Variants in CDH4 observed in about 807,000 individuals in gnomAD.
CDH4 encodes the protein cadherin-4.
In CDH4, 33 loss-of-function variants were observed where a neutral mutation model predicts 86.0. The observed-to-expected ratio is 0.38, with a 90% CI of 0.29 to 0.51. The LOEUF (loss-of-function observed/expected upper bound fraction) is 0.51. Ranked by LOEUF, CDH4 falls within the 20% of genes least tolerant of loss-of-function variation. CDH4 has a pLI of 0.86. For synonymous variants in CDH4, 555 were observed against 549.4 expected (o/e 1.01, Z -0.14); for missense variants, 1,114 against 1,307.4 (o/e 0.85, Z 2.28).
At chr20:61,599,139 C>T (rs1161902634) in intron 2 of CDH4, among the ~76,000 whole-genome samples, 3 of 152,216 alleles carry the variant, frequency 2.0e-5, no homozygotes, top group African/African-American at 7.2e-5. Context: ...GATCTCCCAC[C>T]ATGGTGCTGC....
intron 2 of CDH4, among the ~76,000 whole-genome samples, chr20:61,396,921 T>C (rs2145473993): frequency 6.6e-6 from 1 of 152,288 alleles, no homozygotes; most frequent in East Asian, 1.9e-4. Flanking sequence ...AAAAATACTG[T>C]TTTGTTTTTG....
chr20:61,511,318 T>G (rs1038451562), intron 2 of CDH4, among the ~76,000 whole-genome samples: 1 of 152,240 alleles, frequency 6.6e-6, no homozygotes, highest in Admixed American at 6.5e-5. Context: ...GGAAGTCGTC[T>G]TACGTTTTCT....
At position 61,915,375 on chromosome 20, in the gene CDH4, G is replaced by A. The variant is rs190035594; in HGVS notation, c.1374+4768G>A. On this transcript the variant is annotated intron_variant, in intron 9 of 15. Transcript: ENST00000614565. ...CATCCTGGCAAGGCCAGATGGTACC[G>A]TCTGACCAGCCTGAAACCTTCCTAG... is the stretch of plus-strand genomic sequence containing the variant. Among the ~76,000 whole-genome samples the A allele has an allele frequency of 3.3e-5, 5 of 152,330 alleles. No individual in the cohort carries two copies. The East Asian group carries it at 9.7e-4, about 29-fold the overall frequency.
intron 2 of CDH4, among the ~76,000 whole-genome samples, chr20:61,333,300 T>C (rs2123268101): frequency 6.6e-6 from 1 of 152,060 alleles, no homozygotes. Context: ...CACACACACC[T>C]GCATGGGGGA....
At chr20:61,391,382 T>G (rs2084984759) in intron 2 of CDH4, among the ~76,000 whole-genome samples, 1 of 152,132 alleles carries the variant, frequency 6.6e-6, no homozygotes, top group African/African-American at 2.4e-5. Flanking sequence ...AGCTGGTTTT[T>G]GTGGGTGACC....
At chr20:61,610,527 T>G (rs2145758496) in intron 2 of CDH4, among the ~76,000 whole-genome samples, 1 of 152,182 alleles carries the variant, frequency 6.6e-6, no homozygotes, top group African/African-American at 2.4e-5. Flanking sequence ...AGCAGTGGGG[T>G]TGCTGGGTCA....
chr20:61,308,965 G>T (rs1235786234), intron 2 of CDH4, among the ~76,000 whole-genome samples: 2 of 152,352 alleles, frequency 1.3e-5, no homozygotes, highest in East Asian at 3.9e-4. Context: ...CAGCAGAGGT[G>T]CTCTGAGGCC....
chr20:61,834,440 G>A (rs1746118098), intron 4 of CDH4, among the ~76,000 whole-genome samples: 1 of 152,200 alleles, frequency 6.6e-6, no homozygotes, highest in Admixed American at 6.5e-5. Flanking sequence ...CTTCCAGCCC[G>A]GCCCCCAAGG....
At chr20:61,660,969 T>C (rs972599391) in intron 2 of CDH4, among the ~76,000 whole-genome samples, 1 of 152,024 alleles carries the variant, frequency 6.6e-6, no homozygotes, top group African/African-American at 2.4e-5. Context: ...CCTCCATCCT[T>C]TTCTGCTCTG....
In CDH4 at chr20:61,527,175, C is replaced by T. The variant is rs542889337; in HGVS notation, c.170-216388C>T. On this transcript the variant is annotated intron_variant, in intron 2 of 15. Transcript: ENST00000614565. ...TTGACAAGAGAATCACAATCAGTAA[C>T]CAGCGCCCAGGCGCCCCTGGCACCC... Among the ~76,000 whole-genome samples, 12 of 152,364 alleles carry T rather than the reference C, an allele frequency of 7.9e-5. No individual in the cohort carries two copies. In the South Asian group the frequency reaches 2.3e-3, roughly 29 times the overall value.
intron 6 of CDH4, among the ~76,000 whole-genome samples, chr20:61,867,104 C>T (rs1983585300): frequency 6.6e-6 from 1 of 152,258 alleles, no homozygotes; most frequent in Non-Finnish European, 1.5e-5. Context: ...TGCCCACACA[C>T]ACACAGCTGT....
intron 2 of CDH4, among the ~76,000 whole-genome samples, chr20:61,469,196 C>T (rs902356885): frequency 6.6e-6 from 1 of 152,176 alleles, no homozygotes; most frequent in African/African-American, 2.4e-5. Context: ...CCTTTCTCCA[C>T]ATCCTCACCA....
intron 2 of CDH4, among the ~76,000 whole-genome samples, chr20:61,599,388 G>C (rs6089428): frequency 0.028 from 4,237 of 152,308 alleles, 85 homozygotes; most frequent in Non-Finnish European, 0.044. Context: ...TCAGGTGGCA[G>C]AGCCAGGCCT....
chr20:61,734,950 C>T (rs1038137780), intron 2 of CDH4, among the ~76,000 whole-genome samples: 3 of 151,956 alleles, frequency 2.0e-5, no homozygotes, highest in Non-Finnish European at 4.4e-5. Context: ...TCTCCCTGCG[C>T]TGGGTGGGCC....
At position 61,923,545 on chromosome 20, in the gene CDH4, C is replaced by A; in HGVS notation, c.1469C>A (p.Ser490Tyr). The change falls in exon 10 of 16, where the codon TCC becomes TAC. Residue 490 changes from serine to tyrosine, a missense_variant. This residue lies in a region of CDH4 where 705 missense variants were observed against 914.1 expected (regional missense o/e 0.77). Coordinates refer to ENST00000614565, the MANE Select transcript of CDH4 (RefSeq NM_001794.5). ...LASGIQMSFQ[S>Y]TAGVTISIMD... ...AGCGGAATCCAGATGTCCTTCCAGT[C>A]CACGGCAGGGGTGACCATCTCCATC... 1 of 1,614,208 alleles carries A rather than the reference C, an allele frequency of 6.2e-7. No individual in the cohort carries two copies. The highest frequency in any genetic ancestry group is 8.5e-7 in the Non-Finnish European group (1 of 1,180,036).
intron 2 of CDH4, among the ~76,000 whole-genome samples, chr20:61,332,094 A>G (rs963549499): frequency 2.0e-5 from 3 of 151,976 alleles, no homozygotes; most frequent in Non-Finnish European, 4.4e-5. Context: ...GAACACAGAC[A>G]CTCGACAGCG....
At chr20:61,496,534 C>T (rs557767989) in intron 2 of CDH4, among the ~76,000 whole-genome samples, 1 of 152,222 alleles carries the variant, frequency 6.6e-6, no homozygotes, top group Non-Finnish European at 1.5e-5. Flanking sequence ...GTATACTTCA[C>T]ACCTAAACAC....
chr20:61,382,097 T>TC (rs2084905482), intron 2 of CDH4, among the ~76,000 whole-genome samples: 1 of 91,138 alleles, frequency 1.1e-5, no homozygotes, highest in Non-Finnish European at 1.9e-5. Flanking sequence ...ATAAAAATAA[T>TC]TAAAATAAAA....
chr20:61,736,384 G>C (rs893242304), intron 2 of CDH4, among the ~76,000 whole-genome samples: 2 of 152,124 alleles, frequency 1.3e-5, no homozygotes, highest in Non-Finnish European at 2.9e-5. Flanking sequence ...CCACGGAAGG[G>C]TCCTGTTATC....
Sources: gnomAD v4.1 joint callset for allele counts (sites outside exome capture counted in the v4.1 genomes callset) on GRCh38, gnomAD v4.1.1 for gene constraint, gnomAD v4.1.1 regional missense constraint, MANE v1.5 for transcripts, NCBI Gene and HGNC (gene_info 2026-07-23, HGNC 2026-07-21) for gene names.